The following ZNF622 variants were observed in gnomAD, a reference collection of about 807,000 sequenced individuals.
The protein encoded by ZNF622 is zinc finger protein 622.
In ZNF622, 34 loss-of-function variants were observed where a neutral mutation model predicts 49.7. That is an observed-to-expected ratio of 0.68 (90% CI 0.52 to 0.91). The LOEUF is 0.91. Ranked by LOEUF, ZNF622 falls within the 40% of genes least tolerant of loss-of-function variation. The pLI, the probability that ZNF622 is intolerant of heterozygous loss-of-function variation, is 0.00. For synonymous variants in ZNF622, 209 were observed against 228.7 expected (o/e 0.91, Z 0.78); for missense variants, 569 against 616.4 (o/e 0.92, Z 0.81).
rs1333069067 is a variant in ZNF622, at chr5:16,465,330, C to T, written c.336G>A (p.Lys112=). The T allele has an allele frequency of 6.2e-7, 1 of 1,614,150 alleles. No homozygotes were observed. The highest frequency in any genetic ancestry group is 8.5e-7 in the Non-Finnish European group (1 of 1,180,056). The change falls in exon 1 of 6, where the codon AAG becomes AAA. Residue 112 remains lysine (K), a synonymous_variant. Transcript: ENST00000308683. This position sits in a 1 kb window ranked among gnomAD's most constrained non-coding sequence, Gnocchi z 6.2. The part of the protein sequence containing the change: ...VNRKVEMMNE[K]NLEKGLGVDS... The stretch of plus-strand genomic sequence containing the variant: ...CCACGCCCAGTCCTTTCTCCAAGTT[C>T]TTTTCATTCATCATCTCCACTTTCC...
At chr5:16,457,155 C>T (rs1392079191) in intron 4 of ZNF622, among the ~76,000 whole-genome samples, 6 of 152,128 alleles carry the variant, frequency 3.9e-5, no homozygotes, top group South Asian at 4.1e-4. Context: ...GATATGCTCA[C>T]GTTATGCTAA....
At position 16,460,910 on chromosome 5, in the gene ZNF622, A is replaced by C. The variant is rs570589891; in HGVS notation, c.1049+2198T>G. Among the ~76,000 whole-genome samples the C allele has an allele frequency of 6.8e-4, 104 of 152,346 alleles. 1 individual carries two copies. Among genetic ancestry groups the C allele is most frequent in the African/African-American group, 2.4e-3 (101 of 41,584 alleles). On this transcript the variant is annotated intron_variant, in intron 3 of 5. Coordinates refer to ENST00000308683, the MANE Select transcript of ZNF622 (RefSeq NM_033414.3). ...TAAGCAACACCCAGTAAAGAACAAG[A>C]GTAACAACAACAAAAGGCTAGGGCT...
chr5:16,462,504 G>A (rs1738135104), intron 3 of ZNF622, among the ~76,000 whole-genome samples: 1 of 151,966 alleles, frequency 6.6e-6, no homozygotes, highest in Non-Finnish European at 1.5e-5. Context: ...TCTACAAAAA[G>A]TACAAAAATT....
At chr5:16,452,624 T>A (rs559764410) in intron 5 of ZNF622, among the ~76,000 whole-genome samples, 7 of 152,320 alleles carry the variant, frequency 4.6e-5, no homozygotes, top group African/African-American at 1.7e-4. Flanking sequence ...GTTCATCATA[T>A]AAGAACCTCT....
chr5:16,457,349 GA>G (rs1738042889), intron 4 of ZNF622, among the ~76,000 whole-genome samples: 1 of 152,140 alleles, frequency 6.6e-6, no homozygotes, highest in Non-Finnish European at 1.5e-5. Context: ...TACAGTTCTG[GA>G]AAATAAGTTA....
intron 5 of ZNF622, 101 bp downstream of exon 5, chr5:16,452,912 A>C: frequency 1.6e-6 from 2 of 1,248,248 alleles, no homozygotes; most frequent in South Asian, 3.2e-5. Flanking sequence ...TTTCCCCTAG[A>C]GAGAATCCAC....
In ZNF622 at chr5:16,465,623, C is replaced by T; in HGVS notation, c.43G>A (p.Asp15Asn). Residue 15 changes from aspartate to asparagine, a missense_variant, in exon 1 of 6, where the codon GAC becomes AAC. Transcript: ENST00000308683. The surrounding 1 kb of genome is among the most constrained non-coding windows in gnomAD (Gnocchi z 6.2). ...TAGTGGGCCCGCTGCATGTCCGCGT[C>T]GCGGAACGCCACCCGGCAAGTTATG... is the stretch of plus-strand genomic sequence containing the variant. ...TCITCRVAFR[D>N]ADMQRAHYKT... The T allele has an allele frequency of 6.3e-7, 1 of 1,597,284 alleles. No individual in the cohort carries two copies. Among genetic ancestry groups the T allele is most frequent in the South Asian group, 1.1e-5 (1 of 89,336 alleles).
Position 16,465,562 on chromosome 5 carries a change from T to G in ZNF622, c.104A>C (p.Lys35Thr), listed in dbSNP as rs768963998. The change falls in exon 1 of 6, where the codon AAG becomes ACG. Residue 35 changes from lysine (K) to threonine (T), a missense_variant. Transcript: ENST00000308683. The surrounding 1 kb of genome is among the most constrained non-coding windows in gnomAD (Gnocchi z 6.2). ...TDWHRYNLRR[K>T]VASMAPVTAE... ...GGTCACTGGGGCCATGCTGGCCACC[T>G]TCCGCCGCAGGTTGTAGCGGTGCCA... 1.2e-6 allele frequency: 2 copies of G among 1,613,742 alleles called. No homozygotes were observed. Among genetic ancestry groups the G allele is most frequent in the Admixed American group, 3.3e-5 (2 of 59,998 alleles).
rs1738155243 is a variant in ZNF622, at chr5:16,463,434, CCA to C, written c.886+46_886+47del. On this transcript the variant is annotated intron_variant, in intron 2 of 5. Coordinates refer to ENST00000308683, the MANE Select transcript of ZNF622 (RefSeq NM_033414.3). This position sits in a 1 kb window ranked among gnomAD's most constrained non-coding sequence, Gnocchi z 4.2. Reference sequence around the variant, plus strand: ...CTAATGTTCCCTTGAGACCAGTCCCCCAATAATGTGATTATTTCCTCATTAAA... The same window carrying C: ...CTAATGTTCCCTTGAGACCAGTCCCCATAATGTGATTATTTCCTCATTAAA... The C allele has an allele frequency of 4.5e-6, 7 of 1,562,654 alleles. No homozygotes were observed. In the East Asian group the frequency reaches 1.6e-4, roughly 35 times the overall value.
chr5:16,464,894 C>G lies in ZNF622; in HGVS notation c.625+147G>C. 12 of 1,217,052 alleles carry G rather than the reference C, an allele frequency of 9.9e-6. No homozygotes were observed. In the South Asian group the frequency reaches 1.7e-4, roughly 17 times the overall value. 75.4% of individuals were successfully genotyped at this position (1,217,052 alleles called of 1,614,324 possible). On this transcript the variant is annotated intron_variant, in intron 1 of 5. Coordinates refer to ENST00000308683, the MANE Select transcript of ZNF622 (RefSeq NM_033414.3). Reference sequence around the variant, plus strand: ...CCAAACCTGCTGGCCAGATAAGGCACTTCAGAAAGCGTCTAAACCACCTTC... The same window carrying G: ...CCAAACCTGCTGGCCAGATAAGGCAGTTCAGAAAGCGTCTAAACCACCTTC...
chr5:16,457,050 C>A (rs1448093808), intron 4 of ZNF622, among the ~76,000 whole-genome samples: 1 of 151,890 alleles, frequency 6.6e-6, no homozygotes, highest in Admixed American at 6.6e-5. Flanking sequence ...ACTCAGTCAC[C>A]CAGGACAAAG....
chr5:16,455,713 T>C (rs534375162), intron 4 of ZNF622, among the ~76,000 whole-genome samples: 31 of 152,232 alleles, frequency 2.0e-4, no homozygotes, highest in Non-Finnish European at 4.1e-4. Flanking sequence ...TGGTCATTAG[T>C]ACATAAGAAT....
At position 16,458,339 on chromosome 5, in the gene ZNF622, A is replaced by T. The variant is rs991352547; in HGVS notation, c.1162+178T>A. Among the ~76,000 whole-genome samples, 50 of 152,178 alleles carry T rather than the reference A, an allele frequency of 3.3e-4. 1 individual carries two copies. The highest frequency in any genetic ancestry group is 1.1e-3 in the African/African-American group (47 of 41,440). ...ACAGAAACACTGATCAAATTTAAAC[A>T]AAACAGGCAACTTAGAGCTGAGCAG... is the stretch of plus-strand genomic sequence containing the variant. On this transcript the variant is annotated intron_variant, in intron 4 of 5. Transcript: ENST00000308683.
In ZNF622 at chr5:16,465,588, G is replaced by A. The variant is rs1738207120; in HGVS notation, c.78C>T (p.Asp26=). 1 of 1,613,172 alleles carries A rather than the reference G, an allele frequency of 6.2e-7. No homozygotes were observed. The highest frequency in any genetic ancestry group is 1.1e-5 in the South Asian group (1 of 90,948). ...ADMQRAHYKT[D]WHRYNLRRKV... ...TCCGCCGCAGGTTGTAGCGGTGCCAGTCCGTCTTATAGTGGGCCCGCTGCA... is the reference window on the plus strand; with the variant it reads ...TCCGCCGCAGGTTGTAGCGGTGCCAATCCGTCTTATAGTGGGCCCGCTGCA... The change falls in exon 1 of 6, where the codon GAC becomes GAT. Residue 26 remains aspartate (D), a synonymous_variant. Transcript: ENST00000308683. This position sits in a 1 kb window ranked among gnomAD's most constrained non-coding sequence, Gnocchi z 6.2.
rs758389694 is a variant in ZNF622 at position 16,458,512 on chromosome 5, C to G, written c.1162+5G>C. ...AAGCTATTTATTTTTGACAAATGCA[C>G]TTACCAGAAGGCAGAATCAATTCCA... On this transcript the variant is annotated splice_donor_5th_base_variant and intron_variant, in intron 4 of 5. Coordinates refer to ENST00000308683, the MANE Select transcript of ZNF622 (RefSeq NM_033414.3). The G allele has an allele frequency of 1.9e-6, 3 of 1,606,016 alleles. No homozygotes were observed. The highest frequency in any genetic ancestry group is 1.3e-5 in the African/African-American group (1 of 74,708).
rs11955602 is a variant in ZNF622 at position 16,452,808 on chromosome 5, C to T, written c.1306+205G>A. 4.9e-3 allele frequency among the ~76,000 whole-genome samples: 740 copies of T among 152,256 alleles called. 9 individuals carry two copies. Among genetic ancestry groups the T allele is most frequent in the African/African-American group, 0.017 (707 of 41,548 alleles). On this transcript the variant is annotated intron_variant, in intron 5 of 5. Transcript: ENST00000308683. The stretch of plus-strand genomic sequence containing the variant: ...GTTAATGGTATATAAAATCACTGTG[C>T]CAGGAATATGAAATTTCTAAGTCAT...
chr5:16,456,615 T>C (rs1354534598), intron 4 of ZNF622, among the ~76,000 whole-genome samples: 1 of 151,998 alleles, frequency 6.6e-6, no homozygotes, highest in Non-Finnish European at 1.5e-5. Context: ...AAAGTAGGAA[T>C]AAAAGAGGCA....
intron 4 of ZNF622, among the ~76,000 whole-genome samples, chr5:16,454,450 T>C (rs539203629): frequency 1.1e-3 from 133 of 120,572 alleles, no homozygotes; most frequent in African/African-American, 4.0e-3. Flanking sequence ...ATCATACCAC[T>C]GCACTCCAGC....
chr5:16,456,346 T>C (rs1365908462), intron 4 of ZNF622, among the ~76,000 whole-genome samples: 1 of 152,190 alleles, frequency 6.6e-6, no homozygotes, highest in Non-Finnish European at 1.5e-5. Context: ...CCAAAAGAGC[T>C]GAAGAGCAAC....
Sources: gnomAD v4.1 joint callset for allele counts (sites outside exome capture counted in the v4.1 genomes callset) on GRCh38, gnomAD v4.1.1 for gene constraint, Gnocchi (gnomAD v3.1) non-coding constraint, MANE v1.5 for transcripts, NCBI Gene and HGNC (gene_info 2026-07-23, HGNC 2026-07-21) for gene names.